Variants in LHX4 observed in about 807,000 individuals in gnomAD.
LHX4 encodes LIM/homeobox protein Lhx4.
Under a neutral mutation model 39.2 loss-of-function variants are expected in LHX4, and 16 were observed. The ratio of observed to expected loss-of-function variants is 0.41; its 90% CI spans 0.28 to 0.62. LHX4 has a LOEUF of 0.62. LHX4 is among the 20% of genes least tolerant of loss of function. The pLI is 0.33. For synonymous variants in LHX4, 206 were observed against 198.1 expected, an observed-to-expected ratio of 1.04 and a Z score of -0.33; for missense variants, 439 against 511.9, an observed-to-expected ratio of 0.86 and a Z score of 1.37.
upstream of LHX4, among the ~76,000 whole-genome samples, chr1:180,229,755 G>A (rs898310190): frequency 4.0e-5 from 6 of 151,470 alleles, no homozygotes; most frequent in East Asian, 2.0e-4. Flanking sequence ...CGCCTGCCCC[G>A]CTCGGCCCCG....
At chr1:180,241,046 A>G (rs1399955630) in intron 1 of LHX4, among the ~76,000 whole-genome samples, 1 of 152,230 alleles carries the variant, frequency 6.6e-6, no homozygotes, top group Non-Finnish European at 1.5e-5. Context: ...AAATGCTAGA[A>G]GCCCCAAACG....
chr1:180,250,480 T>C (rs1647580226), intron 2 of LHX4, among the ~76,000 whole-genome samples: 1 of 152,170 alleles, frequency 6.6e-6, no homozygotes, highest in Non-Finnish European at 1.5e-5. Flanking sequence ...TGATGAGGTG[T>C]GTGCAGATGT....
rs904378207 is a variant in LHX4, at chr1:180,275,950, G to C, written c.*1371G>C. 1 of 152,308 alleles carries C rather than the reference G, an allele frequency of 6.6e-6. No individual in the cohort carries two copies. Among genetic ancestry groups the C allele is most frequent in the East Asian group, 1.9e-4 (1 of 5,204 alleles). The allele number at this position is 152,308 out of a possible 1,614,324, so 9.4% of individuals were successfully genotyped here. On this transcript the variant is annotated 3_prime_UTR_variant, in exon 6 of 6. Transcript: ENST00000263726. Reference sequence around the variant, plus strand: ...TTTACGAGTTGCCACTCCTGCGACAGACTGCACTGCTGTGGGAAACGCTGT... The same window carrying C: ...TTTACGAGTTGCCACTCCTGCGACACACTGCACTGCTGTGGGAAACGCTGT...
intron 2 of LHX4, among the ~76,000 whole-genome samples, chr1:180,251,728 C>A (rs942553346): frequency 6.6e-6 from 1 of 152,204 alleles, no homozygotes; most frequent in African/African-American, 2.4e-5. Context: ...TCAGGCCCAT[C>A]ATTTAGCCAC....
At chr1:180,261,160 A>G (rs704335) in intron 2 of LHX4, among the ~76,000 whole-genome samples, 16,450 of 142,566 alleles carry the variant, frequency 0.12, 1,124 homozygotes, top group African/African-American at 0.13. Flanking sequence ...GGGGGCCAAG[A>G]TGGGAGGAGG....
Position 180,277,857 on chromosome 1 carries a change from C to T in LHX4, c.*3278C>T, listed in dbSNP as rs1251721210. 3.2e-5 allele frequency: 4 copies of T among 124,958 alleles called. No individual in the cohort carries two copies. The Admixed American group carries it at 3.6e-4, about 11-fold the overall frequency. 7.7% of individuals were successfully genotyped at this position (124,958 alleles called of 1,614,324 possible). A position where few individuals can be genotyped will look rare whatever the true frequency, so the allele number is the denominator to read the frequency against. On this transcript the variant is annotated 3_prime_UTR_variant, in exon 6 of 6. Coordinates refer to ENST00000263726, the MANE Select transcript of LHX4 (RefSeq NM_033343.4). ...ATTAAGCCACAAGAAAACCATTTGGCAGTGTCCTTAAACTTTTTTTGGGGG... is the reference window on the plus strand; with the variant it reads ...ATTAAGCCACAAGAAAACCATTTGGTAGTGTCCTTAAACTTTTTTTGGGGG...
rs767067661 is a variant in LHX4, at chr1:180,230,555, C to T, written c.26C>T (p.Ala9Val). 52 of 1,613,840 alleles carry T rather than the reference C, an allele frequency of 3.2e-5. No individual in the cohort carries two copies. Among genetic ancestry groups the T allele is most frequent in the Non-Finnish European group, 4.3e-5 (51 of 1,179,974 alleles). Residue 9 changes from alanine (A) to valine (V), a missense_variant, in exon 1 of 6, where the codon GCG (alanine) becomes GTG (valine). Ala to Val is a moderately conservative substitution (Grantham distance 64). Coordinates refer to ENST00000263726, the MANE Select transcript of LHX4 (RefSeq NM_033343.4). This position sits in a 1 kb window ranked among gnomAD's most constrained non-coding sequence, Gnocchi z 5.8. MMQSATVPAEGAVKGLPEM... is the reference protein window; with the variant it reads MMQSATVPVEGAVKGLPEM... ...ATGATGCAGAGTGCGACTGTCCCCG[C>T]GGAAGGGGCTGTCAAGGGGCTCCCG...
At chr1:180,233,861 G>A (rs1165555418) in intron 1 of LHX4, among the ~76,000 whole-genome samples, 3 of 152,138 alleles carry the variant, frequency 2.0e-5, no homozygotes, top group Middle Eastern at 3.4e-3. Flanking sequence ...AAGCTCTGGC[G>A]AACCCCGAAG....
chr1:180,274,486 C>A lies in LHX4; in HGVS notation c.1080C>A (p.Thr360=). Reference sequence around the variant, plus strand: ...TGAGAGCCATGGCTGGGGGACCCACCTCTGACATCTCCACAGGAAGCAGTG... The same window carrying A: ...TGAGAGCCATGGCTGGGGGACCCACATCTGACATCTCCACAGGAAGCAGTG... ...QTLRAMAGGP[T]SDISTGSSVG... The change falls in exon 6 of 6, where the codon ACC becomes ACA. Residue 360 remains threonine (T), a synonymous_variant. Transcript: ENST00000263726. 2 of 1,613,934 alleles carry A rather than the reference C, an allele frequency of 1.2e-6. No individual in the cohort carries two copies. The highest frequency in any genetic ancestry group is 1.7e-6 in the Non-Finnish European group (2 of 1,180,036).
At chr1:180,253,567 T>C (rs947577376) in intron 2 of LHX4, among the ~76,000 whole-genome samples, 3 of 152,266 alleles carry the variant, frequency 2.0e-5, no homozygotes, top group Non-Finnish European at 4.4e-5. Context: ...AGGAGCTCAG[T>C]TGAATTCCTG....
chr1:180,236,773 T>C (rs551647323), intron 1 of LHX4, among the ~76,000 whole-genome samples: 2 of 152,196 alleles, frequency 1.3e-5, no homozygotes, highest in Non-Finnish European at 2.9e-5. Context: ...TTGGGACGCA[T>C]AGGGACTTGG....
rs149104133 is a variant in LHX4 at position 180,271,018 on chromosome 1, C to G, written c.452-362C>G. 3.7e-3 allele frequency: 1,279 copies of G among 344,950 alleles called. 5 individuals are homozygous for G. The highest frequency in any genetic ancestry group is 4.5e-3 in the Non-Finnish European group (796 of 176,342). The allele number at this position is 344,950 out of a possible 1,614,324, so 21.4% of individuals were successfully genotyped here. On this transcript the variant is annotated intron_variant, in intron 3 of 5. Coordinates refer to ENST00000263726, the MANE Select transcript of LHX4 (RefSeq NM_033343.4). The stretch of plus-strand genomic sequence containing the variant: ...TCAACCTGGCTGTTCACCTTCACAG[C>G]TCTGGCAAGAACTCATGAGGATGTG...
In LHX4 at chr1:180,277,316, G is replaced by A. The variant is rs6704010; in HGVS notation, c.*2737G>A. 110,301 of 152,090 alleles carry A rather than the reference G, an allele frequency of 0.73. 40,135 individuals carry two copies. The highest frequency in any genetic ancestry group is 0.96 in the East Asian group (4,995 of 5,178). 9.4% of individuals were successfully genotyped at this position (152,090 alleles called of 1,614,324 possible). ...TAGCTTCTCTTAGAGGCACTCCTCT[G>A]TTGCTTGGAAGTCTATTATGGGGTA... is the stretch of plus-strand genomic sequence containing the variant. On this transcript the variant is annotated 3_prime_UTR_variant, in exon 6 of 6. Transcript: ENST00000263726.
At chr1:180,248,680 A>G in intron 2 of LHX4, 2 of 614,536 alleles carry the variant, frequency 3.3e-6, no homozygotes, top group Middle Eastern at 4.3e-4. Flanking sequence ...TGATCTCTGC[A>G]TGGGGCAGGG....
intron 1 of LHX4, among the ~76,000 whole-genome samples, chr1:180,233,987 C>A (rs1446379578): frequency 6.6e-6 from 1 of 150,976 alleles, no homozygotes; most frequent in Non-Finnish European, 1.5e-5. Flanking sequence ...CAGCGCAGGT[C>A]GAGTTGCAGA....
At chr1:180,236,610 G>A (rs1428743351) in intron 1 of LHX4, among the ~76,000 whole-genome samples, 1 of 152,202 alleles carries the variant, frequency 6.6e-6, no homozygotes, top group Non-Finnish European at 1.5e-5. Flanking sequence ...GACGGGAATG[G>A]TGGGTATTTA....
At chr1:180,263,054 T>A (rs1331107341) in intron 2 of LHX4, among the ~76,000 whole-genome samples, 2 of 152,204 alleles carry the variant, frequency 1.3e-5, no homozygotes, top group African/African-American at 4.8e-5. Context: ...GTGCCCTTGG[T>A]GCCCCTGCAT....
At chr1:180,257,124 A>G (rs550740158) in intron 2 of LHX4, among the ~76,000 whole-genome samples, 78 of 152,272 alleles carry the variant, frequency 5.1e-4, no homozygotes, top group Non-Finnish European at 8.7e-4. Flanking sequence ...GAAGGAGAGG[A>G]CTTGAGGCCA....
At chr1:180,249,123 A>T (rs4652491) in intron 2 of LHX4, among the ~76,000 whole-genome samples, 28,450 of 152,224 alleles carry the variant, frequency 0.19, 2,797 homozygotes, top group African/African-American at 0.2. Context: ...CAGTTTGTTT[A>T]TCTGTAAAAT....
Sources: gnomAD v4.1 joint callset for allele counts (sites outside exome capture counted in the v4.1 genomes callset) on GRCh38, gnomAD v4.1.1 for gene constraint, Gnocchi (gnomAD v3.1) non-coding constraint, MANE v1.5 for transcripts, NCBI Gene and HGNC (gene_info 2026-07-23, HGNC 2026-07-21) for gene names.